The following LIN54 variants were observed in gnomAD, a reference collection of about 807,000 sequenced individuals.
LIN54 encodes the protein lin-54 DREAM MuvB core complex component.
Under a neutral mutation model 78.7 loss-of-function variants are expected in LIN54, and 9 were observed. The observed-to-expected ratio is 0.11, with a 90% CI of 0.07 to 0.20. The LOEUF is 0.20. LIN54 is among the 10% of genes least tolerant of loss of function. The pLI, the probability that LIN54 is intolerant of heterozygous loss-of-function variation, is 1.00. For synonymous variants in LIN54, 269 were observed against 318.4 expected (o/e 0.84, Z 1.65); for missense variants, 573 against 889.9 (o/e 0.64, Z 4.53).
At chr4:82,969,145 C>T (rs962248226) in intron 4 of LIN54, among the ~76,000 whole-genome samples, 3 of 152,222 alleles carry the variant, frequency 2.0e-5, no homozygotes, top group Admixed American at 6.5e-5. Flanking sequence ...TGAAAGACCA[C>T]ACTTTTACAC....
intron 1 of LIN54, among the ~76,000 whole-genome samples, chr4:83,003,985 T>C (rs1392591310): frequency 6.6e-6 from 1 of 152,026 alleles, no homozygotes; most frequent in Non-Finnish European, 1.5e-5. Flanking sequence ...ATAAAATAAA[T>C]GACATATTTA....
chr4:82,938,321 A>G (rs1722556181), intron 8 of LIN54, 92 bp downstream of exon 8: 1 of 756,308 alleles, frequency 1.3e-6, no homozygotes, highest in Admixed American at 2.3e-5. Flanking sequence ...TAAGGGGAAA[A>G]AAATAAAAGA....
chr4:82,969,980 T>A (rs1224556281), intron 4 of LIN54, among the ~76,000 whole-genome samples: 2 of 152,184 alleles, frequency 1.3e-5, no homozygotes, highest in East Asian at 3.9e-4. Context: ...ATATTTTATA[T>A]CATAAGTCTA....
At chr4:82,974,552 C>T (rs972448230) in intron 3 of LIN54, among the ~76,000 whole-genome samples, 3 of 151,872 alleles carry the variant, frequency 2.0e-5, no homozygotes, top group Admixed American at 6.6e-5. Flanking sequence ...GCCTGGCCAA[C>T]GTGGTGAAAC....
chr4:82,936,032 C>A lies in LIN54; in HGVS notation c.1794G>T (p.Gly598=). The change falls in exon 11 of 13, where the codon GGG becomes GGT. Residue 598 remains glycine, a synonymous_variant. Transcript: ENST00000340417. Reference sequence around the variant, plus strand: ...GACATCCTGATCGTTTGCAATTACACCCTTTGCTATGACGTCGATCAGATT... The same window carrying A: ...GACATCCTGATCGTTTGCAATTACAACCTTTGCTATGACGTCGATCAGATT... ...EGESDRRHSK[G]CNCKRSGCLK... The A allele has an allele frequency of 6.2e-7, 1 of 1,613,882 alleles. No individual in the cohort carries two copies. Among genetic ancestry groups the A allele is most frequent in the Non-Finnish European group, 8.5e-7 (1 of 1,179,764 alleles).
At chr4:82,982,637 G>A (rs1462184738) in intron 2 of LIN54, among the ~76,000 whole-genome samples, 2 of 152,206 alleles carry the variant, frequency 1.3e-5, no homozygotes, top group Non-Finnish European at 2.9e-5. Context: ...GCTTGATGGT[G>A]ATAAGATATC....
Position 82,937,773 on chromosome 4 carries a change from C to G in LIN54, c.1533-475G>C, listed in dbSNP as rs372198358. Among the ~76,000 whole-genome samples the G allele has an allele frequency of 1.8e-4, 28 of 152,172 alleles. No individual in the cohort carries two copies. The East Asian group carries it at 5.2e-3, about 28-fold the overall frequency. ...AAGCACGGCTTCTAAGCTGATATTG[C>G]AAAAGCCAGTAATTAATAGATAAAC... is the stretch of plus-strand genomic sequence containing the variant. On this transcript the variant is annotated intron_variant, in intron 8 of 12. Transcript: ENST00000340417.
At chr4:82,940,598 G>T (rs909849262) in intron 5 of LIN54, among the ~76,000 whole-genome samples, 27 of 152,286 alleles carry the variant, frequency 1.8e-4, no homozygotes. Flanking sequence ...CTGCCATGTT[G>T]GCCAGGCTGA....
At chr4:82,947,235 A>ATATATATATATATATT in intron 4 of LIN54, among the ~76,000 whole-genome samples, 2 of 44,292 alleles carry the variant, frequency 4.5e-5, no homozygotes, top group African/African-American at 1.0e-4. Context: ...ATATATATAT[A>ATATATATATATATATT]TTTTTTTTTT....
chr4:82,962,869 C>A (rs1252618847), intron 4 of LIN54, among the ~76,000 whole-genome samples: 1 of 151,268 alleles, frequency 6.6e-6, no homozygotes, highest in Non-Finnish European at 1.5e-5. Flanking sequence ...ATACTAAAAT[C>A]TTTAAAACTG....
At chr4:82,937,394 C>A in intron 8 of LIN54, 96 bp from the exon 9 acceptor site, 1 of 701,620 alleles carries the variant, frequency 1.4e-6, no homozygotes, top group Non-Finnish European at 2.3e-6. Flanking sequence ...AAAAATTAGA[C>A]CTAAAACTAA....
At chr4:82,928,972 A>G (rs1162289468) in intron 12 of LIN54, among the ~76,000 whole-genome samples, 1 of 152,256 alleles carries the variant, frequency 6.6e-6, no homozygotes, top group South Asian at 2.1e-4. Flanking sequence ...AGCCAACTCA[A>G]GTCTTAAAGC....
At chr4:82,960,044 T>C (rs1219231622) in intron 4 of LIN54, among the ~76,000 whole-genome samples, 1 of 152,208 alleles carries the variant, frequency 6.6e-6, no homozygotes, top group African/African-American at 2.4e-5. Context: ...TCTCAATTTC[T>C]AGGAAATTTA....
chr4:82,969,693 A>G (rs1482664980), intron 4 of LIN54, among the ~76,000 whole-genome samples: 1 of 152,222 alleles, frequency 6.6e-6, no homozygotes, highest in African/African-American at 2.4e-5. Context: ...CAAAATAATA[A>G]TGCTTGGCTT....
chr4:82,947,339 C>G (rs1369315136), intron 4 of LIN54, among the ~76,000 whole-genome samples: 5 of 147,478 alleles, frequency 3.4e-5, no homozygotes, highest in Admixed American at 2.8e-4. Flanking sequence ...CTCAAGCCAT[C>G]CTCCTGCCTC....
intron 2 of LIN54, among the ~76,000 whole-genome samples, chr4:82,981,852 C>A (rs1313294747): frequency 6.6e-6 from 1 of 151,876 alleles, no homozygotes; most frequent in Non-Finnish European, 1.5e-5. Context: ...GGCTACATGG[C>A]AAAGCCCCAT....
intron 5 of LIN54, among the ~76,000 whole-genome samples, chr4:82,942,216 T>C (rs1331485992): frequency 6.6e-6 from 1 of 152,166 alleles, no homozygotes; most frequent in African/African-American, 2.4e-5. Flanking sequence ...AAGAGAATCT[T>C]AGAGTAGGCA....
intron 11 of LIN54, among the ~76,000 whole-genome samples, chr4:82,931,668 C>T (rs1721966104): frequency 6.6e-6 from 1 of 152,070 alleles, no homozygotes; most frequent in Non-Finnish European, 1.5e-5. Flanking sequence ...CCATATGAAA[C>T]TAGTGTGTAT....
In LIN54 at chr4:82,925,367, T is replaced by A. The variant is rs1211779847; in HGVS notation, c.*2735A>T. 1 of 152,180 alleles carries A rather than the reference T, an allele frequency of 6.6e-6. No homozygotes were observed. The highest frequency in any genetic ancestry group is 1.5e-5 in the Non-Finnish European group (1 of 68,060). The allele number at this position is 152,180 out of a possible 1,614,324, so 9.4% of individuals were successfully genotyped here. Reference sequence around the variant, plus strand: ...CGCCACCACACGCAGTGAATTTTTTTATATTTTTAGTAGAGACAGGGTTTC... The same window carrying A: ...CGCCACCACACGCAGTGAATTTTTTAATATTTTTAGTAGAGACAGGGTTTC... On this transcript the variant is annotated 3_prime_UTR_variant, in exon 13 of 13. Transcript: ENST00000340417.
Sources: allele counts gnomAD v4.1 joint callset (sites outside exome capture counted in the v4.1 genomes callset), GRCh38; gene constraint gnomAD v4.1.1; transcripts MANE v1.5; gene names NCBI Gene and HGNC (gene_info 2026-07-23, HGNC 2026-07-21).